The following SOD2 variants were observed in gnomAD, a reference collection of about 807,000 sequenced individuals.
SOD2 encodes the protein superoxide dismutase [Mn], mitochondrial.
SOD2 carries 11 observed loss-of-function variants against 27.0 expected under a neutral mutation model. The observed-to-expected ratio is 0.41, with a 90% CI of 0.26 to 0.67. The LOEUF is 0.67. Among genes scored for constraint, SOD2 ranks in the 30% least tolerant of loss-of-function variants. SOD2 has a pLI of 0.34. For synonymous variants in SOD2, 105 were observed against 103.0 expected, an observed-to-expected ratio of 1.02 and a Z score of -0.12; for missense variants, 250 against 274.5, an observed-to-expected ratio of 0.91 and a Z score of 0.63.
chr6:159,736,029 G>A (rs777415373), intron 1 of SOD2, among the ~76,000 whole-genome samples: 5 of 152,098 alleles, frequency 3.3e-5, no homozygotes, highest in Admixed American at 6.5e-5. Flanking sequence ...TCTAATGATG[G>A]AAGATGTTAA....
At chr6:159,693,258 CCG>C, upstream of SOD2, 1 of 1,284,508 alleles carries the variant, frequency 7.8e-7, no homozygotes, top group Admixed American at 2.3e-5. Context: ...CCTGCGCCGC[CCG>C]CGGGCCTTAA....
chr6:159,692,973 T>C (rs1777304189), intron 1 of SOD2, 110 bp from the exon 2 acceptor site: 1 of 1,332,100 alleles, frequency 7.5e-7, no homozygotes, highest in Admixed American at 3.1e-5. Context: ...CCGCGTCCCC[T>C]CCCTGCGGAT....
rs1779901673 is a variant in SOD2, at chr6:159,680,527, G to A, written c.*1966C>T. On this transcript the variant is annotated 3_prime_UTR_variant, in exon 5 of 5. Coordinates refer to ENST00000538183, the MANE Select transcript of SOD2 (RefSeq NM_000636.4). Reference sequence around the variant, plus strand: ...TTTTTAAACTTCAGTCTTCAATATTGAAACTGCTAAGTTACCCCATTTTTC... The same window carrying A: ...TTTTTAAACTTCAGTCTTCAATATTAAAACTGCTAAGTTACCCCATTTTTC... The A allele has an allele frequency of 1.3e-5, 2 of 150,536 alleles. No individual in the cohort carries two copies. The highest frequency in any genetic ancestry group is 2.1e-4 in the South Asian group (1 of 4,764). The allele number at this position is 150,536 out of a possible 1,614,324, so 9.3% of individuals were successfully genotyped here. A position where few individuals can be genotyped will look rare whatever the true frequency, so the allele number is the denominator to read the frequency against.
chr6:159,720,027 CTT>C (rs753147000), intron 1 of SOD2, among the ~76,000 whole-genome samples: 72 of 131,554 alleles, frequency 5.5e-4, no homozygotes, highest in East Asian at 4.6e-4. Context: ...CCCAGCCTTG[CTT>C]TTTTTTTTTT....
At chr6:159,755,316 C>G in intron 1 of SOD2, 1 of 1,614,226 alleles carries the variant, frequency 6.2e-7, no homozygotes, top group Non-Finnish European at 8.5e-7. Context: ...GGCAACACAA[C>G]CGAAGATGAC....
At chr6:159,759,959 A>T (rs968353238) in intron 1 of SOD2, among the ~76,000 whole-genome samples, 1 of 152,256 alleles carries the variant, frequency 6.6e-6, no homozygotes, top group East Asian at 1.9e-4. Context: ...GTGTTCATTC[A>T]TAACTGCCTA....
intron 1 of SOD2, among the ~76,000 whole-genome samples, chr6:159,732,847 TCTTTCTC>T (rs1562452223): frequency 7.9e-6 from 1 of 126,114 alleles, no homozygotes; most frequent in African/African-American, 3.5e-5. Context: ...TCTGTCTGCT[TCTTTCTC>T]TCTCTCTCTC....
chr6:159,759,684 A>T (rs1256886973), intron 1 of SOD2, among the ~76,000 whole-genome samples: 2 of 151,580 alleles, frequency 1.3e-5, no homozygotes, highest in Non-Finnish European at 2.9e-5. Flanking sequence ...AAAAAAAAAA[A>T]TTCCTCTTCT....
rs1030319904 is a variant in SOD2 at position 159,673,044 on chromosome 6, GCTAA to G, written c.*9445_*9448del. The G allele has an allele frequency of 5.3e-5, 8 of 152,180 alleles. No individual in the cohort carries two copies. The highest frequency in any genetic ancestry group is 3.8e-4 in the East Asian group (2 of 5,198). 9.4% of individuals were successfully genotyped at this position (152,180 alleles called of 1,614,324 possible). On this transcript the variant is annotated 3_prime_UTR_variant, in exon 5 of 5. Coordinates refer to ENST00000538183, the MANE Select transcript of SOD2 (RefSeq NM_000636.4). ...TAAAGGGATCAATTCAACAAGAAGA[GCTAA>G]CTATCTTAAATATATATGCACCCAA...
intron 1 of SOD2, among the ~76,000 whole-genome samples, chr6:159,711,244 C>G (rs1777752912): frequency 1.6e-5 from 1 of 61,822 alleles, no homozygotes; most frequent in Admixed American, 1.4e-4. Flanking sequence ...CCACCACTCA[C>G]ATTGCTCTGA....
At chr6:159,756,598 T>C (rs1319419290) in intron 1 of SOD2, among the ~76,000 whole-genome samples, 1 of 146,652 alleles carries the variant, frequency 6.8e-6, no homozygotes, top group African/African-American at 2.5e-5. Context: ...CTTAGGCTTT[T>C]TTTTTTTTTT....
intron 1 of SOD2, among the ~76,000 whole-genome samples, chr6:159,757,483 G>A (rs1780040323): frequency 6.6e-6 from 1 of 151,398 alleles, no homozygotes; most frequent in Non-Finnish European, 1.5e-5. Flanking sequence ...CACCATCGTG[G>A]CTCACTGCAA....
intron 1 of SOD2, chr6:159,755,765 C>CT: frequency 0.11 from 18,586 of 172,252 alleles, 141 homozygotes; most frequent in Middle Eastern, 0.15. Flanking sequence ...TTTTTCTTTT[C>CT]TTTTTTTTTT....
intron 3 of SOD2, among the ~76,000 whole-genome samples, chr6:159,687,299 A>G (rs559902752): frequency 6.6e-6 from 1 of 152,124 alleles, no homozygotes; most frequent in Non-Finnish European, 1.5e-5. Flanking sequence ...AGCCCCGCCA[A>G]CATGGTGAAA....
At chr6:159,749,459 T>C, upstream of SOD2, 6 of 980,912 alleles carry the variant, frequency 6.1e-6, no homozygotes, top group Non-Finnish European at 7.3e-6. Context: ...AAGAATATTA[T>C]GATGATTTTG....
chr6:159,757,818 T>G (rs1454359430), intron 1 of SOD2, among the ~76,000 whole-genome samples: 1 of 152,240 alleles, frequency 6.6e-6, no homozygotes, highest in African/African-American at 2.4e-5. Flanking sequence ...ATACTGTGTT[T>G]GGCTTTTGTT....
intron 1 of SOD2, among the ~76,000 whole-genome samples, chr6:159,758,735 G>A (rs1583115741): frequency 1.3e-5 from 2 of 152,152 alleles, no homozygotes; most frequent in East Asian, 1.9e-4. Context: ...TTCATCCTAT[G>A]GCAATTCCAC....
upstream of SOD2, among the ~76,000 whole-genome samples, chr6:159,747,986 C>G (rs914160429): frequency 6.6e-6 from 1 of 151,994 alleles, no homozygotes; most frequent in Non-Finnish European, 1.5e-5. Flanking sequence ...GTGATCAGAT[C>G]GGGGTAATTA....
chr6:159,717,895 ATATGTG>A lies in SOD2; in HGVS notation c.-116+9228_-116+9233del, dbSNP rs1028505033. Among the ~76,000 whole-genome samples, 11 of 78,586 alleles carry A rather than the reference ATATGTG, an allele frequency of 1.4e-4. No individual in the cohort carries two copies. In the Admixed American group the frequency reaches 1.8e-3, roughly 13 times the overall value. 51.6% of individuals were successfully genotyped at this position (78,586 alleles called of 152,430 possible). A position where few individuals can be genotyped will look rare whatever the true frequency, so the allele number is the denominator to read the frequency against. ...AGTATTCATACATATATATGTATGG[ATATGTG>A]TGTGTGTGTGTGTGTGTGTGTGTGT... On this transcript the variant is annotated intron_variant, in intron 1 of 2. Coordinates refer to the SOD2 transcript ENST00000401980.
Sources: allele counts gnomAD v4.1 joint callset (sites outside exome capture counted in the v4.1 genomes callset), GRCh38; gene constraint gnomAD v4.1.1; transcripts MANE v1.5; gene names NCBI Gene and HGNC (gene_info 2026-07-23, HGNC 2026-07-21).